DNAH8: variants seen among roughly 807,000 people sequenced by gnomAD.
DNAH8 encodes axonemal beta dynein heavy chain 8.
DNAH8 carries 382 observed loss-of-function variants against 562.1 expected under a neutral mutation model. That is an observed-to-expected ratio of 0.68 (90% confidence interval 0.63 to 0.74). The LOEUF (loss-of-function observed/expected upper bound fraction) is 0.74. DNAH8 is among the 30% of genes least tolerant of loss of function. DNAH8 has a pLI of 0.00. For synonymous variants in DNAH8, 1,881 were observed against 1,919.4 expected, an observed-to-expected ratio of 0.98 and a Z score of 0.52; for missense variants, 5,203 against 5,620.4, an observed-to-expected ratio of 0.93 and a Z score of 2.37.
rs371583300 is a variant in DNAH8 at position 39,026,666 on chromosome 6, G to T, written c.13835G>T (p.Gly4612Val). The change falls in exon 92 of 93, where the codon GGG becomes GTG. Residue 4612 changes from glycine to valine, a missense_variant and splice_region_variant. Around this residue, in one of 6 missense-constraint regions of DNAH8, gnomAD observed 1,399 missense variants for 1,518.4 expected, o/e 0.92. Coordinates refer to ENST00000327475, the MANE Select transcript of DNAH8 (RefSeq NM_001206927.2). ...AAGGAGGAGATCACGTCACCCCCTG[G>T]GGTAGGCGTTGCTGGGCAATAGCAG... ...QTKEEITSPP[G>V]EGVYIYGLYM... is the part of the protein sequence containing the mutation. 122 of 1,612,898 alleles carry T rather than the reference G, an allele frequency of 7.6e-5. No individual in the cohort carries two copies. The highest frequency in any genetic ancestry group is 1.0e-4 in the Non-Finnish European group (122 of 1,179,884).
At chr6:38,801,833 C>A (rs1483668914) in intron 21 of DNAH8, among the ~76,000 whole-genome samples, 1 of 152,050 alleles carries the variant, frequency 6.6e-6, no homozygotes, top group Non-Finnish European at 1.5e-5. Context: ...CACATGGGGG[C>A]AAAACATGGG....
intron 26 of DNAH8, 137 bp from the exon 27 acceptor site, chr6:38,822,701 C>T (rs908545479): frequency 7.8e-6 from 5 of 638,964 alleles, no homozygotes; most frequent in Non-Finnish European, 1.2e-5. Flanking sequence ...CTCTTAATTA[C>T]TCAAAATAGC....
At chr6:38,827,661 G>A (rs1490976281) in intron 29 of DNAH8, among the ~76,000 whole-genome samples, 1 of 143,204 alleles carries the variant, frequency 7.0e-6, no homozygotes, top group Non-Finnish European at 1.5e-5. Flanking sequence ...ATGCTGACCA[G>A]CCAGACTTCA....
At chr6:38,752,761 G>A (rs1463142200) in intron 9 of DNAH8, among the ~76,000 whole-genome samples, 1 of 152,148 alleles carries the variant, frequency 6.6e-6, no homozygotes, top group Non-Finnish European at 1.5e-5. Context: ...TCAGTTGAGA[G>A]TCTTGGACAA....
At position 38,945,454 on chromosome 6, in the gene DNAH8, C is replaced by T. The variant is rs545215095; in HGVS notation, c.12008-13C>T. ...GGCTTACCCAATTCACCCTGTCTGA[C>T]GCTCTTCCCCAGGGGGAGCAGCTCT... On this transcript the variant is annotated splice_polypyrimidine_tract_variant and intron_variant, in intron 79 of 92. Transcript: ENST00000327475. 35 of 1,613,926 alleles carry T rather than the reference C, an allele frequency of 2.2e-5. No homozygotes were observed. The East Asian group carries it at 2.7e-4, about 12-fold the overall frequency.
intron 70 of DNAH8, among the ~76,000 whole-genome samples, chr6:38,920,038 C>T (rs1468265452): frequency 6.6e-6 from 1 of 152,016 alleles, no homozygotes; most frequent in Non-Finnish European, 1.5e-5. Context: ...AAAATCTAAT[C>T]AAGAAGAAAA....
chr6:38,881,124 G>A (rs9470942), intron 53 of DNAH8, among the ~76,000 whole-genome samples: 41,300 of 151,712 alleles, frequency 0.27, 6,260 homozygotes, highest in East Asian at 0.68. Flanking sequence ...TATTGGTGCC[G>A]TAATAGAGCA....
intron 1 of DNAH8, among the ~76,000 whole-genome samples, 189 bp from the exon 2 acceptor site, chr6:38,722,587 T>A (rs34874997): frequency 6.7e-6 from 1 of 150,104 alleles, no homozygotes; most frequent in Non-Finnish European, 1.5e-5. Context: ...GGTGGGGGTG[T>A]GTGTGTGTGT....
chr6:38,926,852 C>G (rs1561872593), intron 74 of DNAH8, among the ~76,000 whole-genome samples: 1 of 152,142 alleles, frequency 6.6e-6, no homozygotes, highest in Non-Finnish European at 1.5e-5. Context: ...CTCAGATATT[C>G]TTCAAAGTCC....
intron 91 of DNAH8, among the ~76,000 whole-genome samples, chr6:39,019,502 T>C (rs1048402810): frequency 6.6e-6 from 1 of 152,160 alleles, no homozygotes; most frequent in African/African-American, 2.4e-5. Context: ...GCCTTGAGAA[T>C]TCTGTTGAGG....
At chr6:38,810,194 G>A (rs758616749) in intron 24 of DNAH8, among the ~76,000 whole-genome samples, 1 of 152,050 alleles carries the variant, frequency 6.6e-6, no homozygotes, top group Non-Finnish European at 1.5e-5. Flanking sequence ...CATTATGACT[G>A]TTGTCTTTGC....
chr6:38,913,720 C>G, intron 66 of DNAH8, 129 bp from the exon 67 acceptor site: 1 of 540,438 alleles, frequency 1.9e-6, no homozygotes, highest in East Asian at 3.0e-5. Flanking sequence ...ATTTTTAAAG[C>G]TTTTGTCTAC....
At chr6:38,956,517 G>A (rs1762255013) in intron 82 of DNAH8, among the ~76,000 whole-genome samples, 3 of 152,058 alleles carry the variant, frequency 2.0e-5, no homozygotes, top group Non-Finnish European at 4.4e-5. Context: ...GTCCTGAAGG[G>A]CTCCGGTCTC....
At chr6:38,824,225 C>T (rs1214910392) in intron 28 of DNAH8, among the ~76,000 whole-genome samples, 2 of 152,162 alleles carry the variant, frequency 1.3e-5, no homozygotes, top group African/African-American at 4.8e-5. Flanking sequence ...CACAGTGTAC[C>T]TGGCAGGGCA....
Position 38,842,805 on chromosome 6 carries a change from T to G in DNAH8, c.4747T>G (p.Ser1583Ala), listed in dbSNP as rs759235578. The G allele has an allele frequency of 6.2e-7, 1 of 1,613,966 alleles. No individual in the cohort carries two copies. Among genetic ancestry groups the G allele is most frequent in the Non-Finnish European group, 8.5e-7 (1 of 1,179,924 alleles). ...GAAACAGAGACACTGGGATAGAATC[T>G]CCGAGTTAACTGGAACCCCATTTGA... ...AMKQRHWDRI[S>A]ELTGTPFDVE... The change falls in exon 35 of 93, where the codon TCC (serine) becomes GCC (alanine). Residue 1583 changes from serine (S) to alanine (A), a missense_variant. Around this residue, in one of 6 missense-constraint regions of DNAH8, gnomAD observed 2,176 missense variants for 2,365.1 expected, o/e 0.92. Transcript: ENST00000327475.
At chr6:38,719,416 CTT>C (rs1202118961) in intron 1 of DNAH8, among the ~76,000 whole-genome samples, 1 of 152,078 alleles carries the variant, frequency 6.6e-6, no homozygotes, top group Non-Finnish European at 1.5e-5. Flanking sequence ...CCCAGTGTCT[CTT>C]GTTTCCATCT....
Position 38,875,816 on chromosome 6 carries a change from G to A in DNAH8, c.7846G>A (p.Val2616Ile). 1.2e-6 allele frequency: 2 copies of A among 1,610,846 alleles called. No homozygotes were observed. Among genetic ancestry groups the A allele is most frequent in the Non-Finnish European group, 1.7e-6 (2 of 1,177,184 alleles). Residue 2616 changes from valine (V) to isoleucine (I), a missense_variant, in exon 53 of 93, where the codon GTT (valine) becomes ATT (isoleucine). Physicochemically the swap from Val to Ile is conservative, Grantham distance 29. Coordinates refer to ENST00000327475, the MANE Select transcript of DNAH8 (RefSeq NM_001206927.2). ...AAATCAAACCATGTATGAGTTTTAT[G>A]TTACTGATTATGGTAAGCCCACTGA... ...GSNQTMYEFYVTDYGDWEHWN... is the reference protein window; with the variant it reads ...GSNQTMYEFYITDYGDWEHWN...
chr6:38,948,214 TAA>T (rs1242306106), intron 80 of DNAH8, among the ~76,000 whole-genome samples: 1 of 152,236 alleles, frequency 6.6e-6, no homozygotes, highest in East Asian at 1.9e-4. Context: ...TATGCCTCAA[TAA>T]AAAGTAGGGG....
At chr6:38,854,366 G>A (rs890620795) in intron 41 of DNAH8, among the ~76,000 whole-genome samples, 9 of 152,068 alleles carry the variant, frequency 5.9e-5, no homozygotes, top group African/African-American at 2.2e-4. Flanking sequence ...CAAGGAAAAC[G>A]TAGGCAATTT....
Sources: allele counts gnomAD v4.1 joint callset (sites outside exome capture counted in the v4.1 genomes callset), GRCh38; gene constraint gnomAD v4.1.1; regional missense constraint gnomAD v4.1.1; transcripts MANE v1.5; gene names NCBI Gene and HGNC (gene_info 2026-07-23, HGNC 2026-07-21).